Variants in AMPD3 observed in about 807,000 individuals in gnomAD.
AMPD3 encodes the protein adenosine monophosphate deaminase 3.
AMPD3 carries 57 observed loss-of-function variants against 82.3 expected under a neutral mutation model. That is an observed-to-expected ratio of 0.69 (90% CI 0.56 to 0.86). AMPD3 has a LOEUF of 0.86. AMPD3 is among the 40% of genes least tolerant of loss of function. The pLI is 0.00. For missense variants in AMPD3, 870 were observed against 1,003.8 expected, an observed-to-expected ratio of 0.87 and a Z score of 1.80; for synonymous variants, 381 against 394.7, an observed-to-expected ratio of 0.97 and a Z score of 0.41.
At chr11:10,466,467 G>A (rs986063273) in intron 2 of AMPD3, among the ~76,000 whole-genome samples, 10 of 152,164 alleles carry the variant, frequency 6.6e-5, no homozygotes, top group Admixed American at 3.3e-4. Context: ...CAGCAAAGCT[G>A]CTGTGGCCAG....
rs141457480 is a variant in AMPD3 at position 10,496,894 on chromosome 11, A to G, written c.1513A>G (p.Ile505Val). 422 of 1,613,986 alleles carry G rather than the reference A, an allele frequency of 2.6e-4. No homozygotes were observed. The highest frequency in any genetic ancestry group is 3.4e-4 in the Non-Finnish European group (407 of 1,180,002). Reference protein sequence around the residue: ...NIFLPLFKATINPQDHRELHL... With the variant: ...NIFLPLFKATVNPQDHRELHL... ...CTTCCTGCCCCTTTTCAAGGCCACTATCAACCCCCAAGATCATCGAGAGCT... is the reference window on the plus strand; with the variant it reads ...CTTCCTGCCCCTTTTCAAGGCCACTGTCAACCCCCAAGATCATCGAGAGCT... The change falls in exon 10 of 15, where the codon ATC becomes GTC. Residue 505 changes from isoleucine (I) to valine (V), a missense_variant. By Grantham distance (29) the Ile-to-Val change is conservative. Transcript: ENST00000396553.
intron 2 of AMPD3, among the ~76,000 whole-genome samples, chr11:10,467,402 G>C (rs922258798): frequency 6.6e-6 from 1 of 151,838 alleles, no homozygotes; most frequent in South Asian, 2.1e-4. Context: ...TCAATCAAAC[G>C]GAAGAAAGGA....
rs141134907 is a variant in AMPD3 at position 10,494,967 on chromosome 11, G to T, written c.1203G>T (p.Leu401=). 9 of 1,614,140 alleles carry T rather than the reference G, an allele frequency of 5.6e-6. No homozygotes were observed. In the African/African-American group the frequency reaches 1.2e-4, roughly 22 times the overall value. Residue 401 remains leucine (L), a synonymous_variant, in exon 8 of 15, where the codon CTG becomes CTT. Coordinates refer to ENST00000396553, the MANE Select transcript of AMPD3 (RefSeq NM_001025389.2). Reference sequence around the variant, plus strand: ...ACAACCCTGTGGGGGCCAGTGAGCTGCGTGACCTGTATTTGAAAACTGAAA... The same window carrying T: ...ACAACCCTGTGGGGGCCAGTGAGCTTCGTGACCTGTATTTGAAAACTGAAA... ...SKYNPVGASE[L]RDLYLKTENY...
At chr11:10,470,027 G>A (rs1470007896) in intron 2 of AMPD3, among the ~76,000 whole-genome samples, 7 of 139,848 alleles carry the variant, frequency 5.0e-5, no homozygotes, top group African/African-American at 1.3e-4. Flanking sequence ...GCGACAGAGC[G>A]AGACTCCGTC....
In AMPD3 at chr11:10,473,549, T is replaced by C. The variant is rs1278462719; in HGVS notation, c.222-4977T>C. On this transcript the variant is annotated intron_variant, in intron 2 of 14. Coordinates refer to ENST00000396553, the MANE Select transcript of AMPD3 (RefSeq NM_001025389.2). ...GGGTGGGGCTGTGAGTTTTCACACC[T>C]GATTGGCTGCAAAGTGTTAGAATCA... The C allele has an allele frequency of 3.0e-6, 3 of 985,234 alleles. No individual in the cohort carries two copies. The African/African-American group carries it at 5.2e-5, about 17-fold the overall frequency. The allele number at this position is 985,234 out of a possible 1,614,324, so 61.0% of individuals were successfully genotyped here.
intron 2 of AMPD3, among the ~76,000 whole-genome samples, chr11:10,477,598 A>G (rs1283510029): frequency 6.6e-6 from 1 of 152,212 alleles, no homozygotes; most frequent in Non-Finnish European, 1.5e-5. Flanking sequence ...CCCAAGAGCC[A>G]GTGTAATCAT....
chr11:10,495,608 C>T lies in AMPD3; in HGVS notation c.1305C>T (p.Tyr435=). 2 of 1,613,606 alleles carry T rather than the reference C, an allele frequency of 1.2e-6. No individual in the cohort carries two copies. The highest frequency in any genetic ancestry group is 1.7e-6 in the Non-Finnish European group (2 of 1,180,032). The change falls in exon 9 of 15, where the codon TAC becomes TAT. Residue 435 remains tyrosine, a synonymous_variant. Coordinates refer to ENST00000396553, the MANE Select transcript of AMPD3 (RefSeq NM_001025389.2). ...AGCTGGAGGAGAGCAAGTACCAGTA[C>T]TCAGAGCCACGGCTCTCCATCTACG... ...ARELEESKYQ[Y]SEPRLSIYGR... is the part of the protein sequence containing the mutation.
At chr11:10,468,584 C>A (rs1002785816) in intron 2 of AMPD3, among the ~76,000 whole-genome samples, 2 of 152,178 alleles carry the variant, frequency 1.3e-5, no homozygotes, top group Non-Finnish European at 2.9e-5. Context: ...GACTTTAACA[C>A]CCCATTGTGA....
At chr11:10,460,304 G>T (rs965171182) in intron 1 of AMPD3, among the ~76,000 whole-genome samples, 1 of 150,954 alleles carries the variant, frequency 6.6e-6, no homozygotes, top group South Asian at 2.1e-4. Flanking sequence ...TTGCCATGTT[G>T]TCCAGGCTGG....
At position 10,487,235 on chromosome 11, in the gene AMPD3, G is replaced by A; in HGVS notation, c.810G>A (p.Thr270=). 5 of 1,614,120 alleles carry A rather than the reference G, an allele frequency of 3.1e-6. No homozygotes were observed. Among genetic ancestry groups the A allele is most frequent in the Non-Finnish European group, 4.2e-6 (5 of 1,180,004 alleles). ...HILALITDGP[T]KTYCHRRLNF... is the part of the protein sequence containing the mutation. ...GTCTCTCCCCATCTCCAACTTGCAG[G>A]AAAACCTATTGTCACCGGCGACTGA... is the stretch of plus-strand genomic sequence containing the variant. The change falls in exon 6 of 15, where the codon ACG becomes ACA. Residue 270 remains threonine, a splice_region_variant and synonymous_variant. Coordinates refer to ENST00000396553, the MANE Select transcript of AMPD3 (RefSeq NM_001025389.2).
rs138708007 is a variant in AMPD3 at position 10,504,605 on chromosome 11, C to T, written c.2073C>T (p.Cys691=). The change falls in exon 14 of 15, where the codon TGC becomes TGT. Residue 691 remains cysteine (C), a synonymous_variant. Transcript: ENST00000396553. ...CTCAAGTGTGGAAGCTGAGCACCTG[C>T]GACCTGTGTGAGATCGCCAGGAACA... ...IAAQVWKLST[C]DLCEIARNSV... is the part of the protein sequence containing the mutation. The T allele has an allele frequency of 3.0e-5, 49 of 1,614,060 alleles. 1 individual carries two copies. The highest frequency in any genetic ancestry group is 4.0e-5 in the African/African-American group (3 of 74,928).
chr11:10,493,836 T>G, intron 7 of AMPD3: 1 of 503,190 alleles, frequency 2.0e-6, no homozygotes, highest in Non-Finnish European at 3.6e-6. Context: ...TTTCCTTGCC[T>G]ATAAAATGGT....
At position 10,482,159 on chromosome 11, in the gene AMPD3, C is replaced by T. The variant is rs755709235; in HGVS notation, c.523C>T (p.Arg175Trp). Residue 175 changes from arginine to tryptophan, a missense_variant, in exon 4 of 15, where the codon CGG becomes TGG. Transcript: ENST00000396553. ...YARLAYHRFPRITSQYLGHPR... is the reference protein window; with the variant it reads ...YARLAYHRFPWITSQYLGHPR... ...GCGGCTCGCCTACCACCGCTTCCCG[C>T]GGATCACATCCCAGTACCTGGGTCA... 5.6e-6 allele frequency: 9 copies of T among 1,613,892 alleles called. No individual in the cohort carries two copies. The highest frequency in any genetic ancestry group is 2.7e-5 in the African/African-American group (2 of 74,938).
intron 4 of AMPD3, among the ~76,000 whole-genome samples, chr11:10,483,472 A>C (rs1161228627): frequency 6.6e-6 from 1 of 152,192 alleles, no homozygotes; most frequent in African/African-American, 2.4e-5. Flanking sequence ...CTATTTCCCT[A>C]TCTGAGGGAA....
chr11:10,486,032 G>T (rs1479841013), intron 5 of AMPD3, among the ~76,000 whole-genome samples: 1 of 152,102 alleles, frequency 6.6e-6, no homozygotes, highest in Non-Finnish European at 1.5e-5. Flanking sequence ...GCCCAATGTG[G>T]ATGGGCAGCA....
chr11:10,501,254 A>C, intron 11 of AMPD3: 1 of 984,780 alleles, frequency 1.0e-6, no homozygotes, highest in Non-Finnish European at 1.2e-6. Flanking sequence ...TGCGAGGCCC[A>C]CTCTCTGCCC....
intron 2 of AMPD3, among the ~76,000 whole-genome samples, chr11:10,466,427 A>G (rs1486006573): frequency 1.3e-5 from 2 of 152,160 alleles, no homozygotes; most frequent in Non-Finnish European, 2.9e-5. Flanking sequence ...GCCACCAGGA[A>G]GTTCAAACTA....
In AMPD3 at chr11:10,497,590, T is replaced by G. The variant is rs543864757; in HGVS notation, c.1557+652T>G. 14 of 985,340 alleles carry G rather than the reference T, an allele frequency of 1.4e-5. No homozygotes were observed. The South Asian group carries it at 5.6e-4, about 40-fold the overall frequency. The allele number at this position is 985,340 out of a possible 1,614,324, so 61.0% of individuals were successfully genotyped here. ...GAGGCACAGCGGGGAGCCCGAGGGC[T>G]GGGGCACGGGGAAAGAATTGAGTCT... On this transcript the variant is annotated intron_variant, in intron 10 of 14. Transcript: ENST00000396553.
chr11:10,478,667 G>A lies in AMPD3; in HGVS notation c.363G>A (p.Thr121=), dbSNP rs189709773. Residue 121 remains threonine, a synonymous_variant, in exon 3 of 15, where the codon ACG becomes ACA. Transcript: ENST00000396553. The stretch of plus-strand genomic sequence containing the variant: ...TCACTGGAGCCACTTCCCTGCCCAC[G>A]CCAGCACCCTATGCCATGCCTGAGT... The part of the protein sequence containing the change: ...PVVTGATSLP[T]PAPYAMPEFQ... 7.8e-5 allele frequency: 126 copies of A among 1,614,144 alleles called. No individual in the cohort carries two copies. The highest frequency in any genetic ancestry group is 9.9e-5 in the Non-Finnish European group (117 of 1,180,034).
Sources: gnomAD v4.1 joint callset for allele counts (sites outside exome capture counted in the v4.1 genomes callset) on GRCh38, gnomAD v4.1.1 for gene constraint, MANE v1.5 for transcripts, NCBI Gene and HGNC (gene_info 2026-07-23, HGNC 2026-07-21) for gene names.